CRACD: variants seen among roughly 807,000 people sequenced by gnomAD.
The protein encoded by CRACD is capping protein inhibiting regulator of actin dynamics.
In CRACD, 56 loss-of-function variants were observed where a neutral mutation model predicts 106.8. The observed-to-expected ratio is 0.52, with a 90% CI of 0.42 to 0.66. CRACD has a LOEUF of 0.66. Ranked by LOEUF, CRACD falls within the 30% of genes least tolerant of loss-of-function variation. The probability of loss-of-function intolerance (pLI) is 0.00; values close to 1 mark genes in which losing one functional copy is unlikely to be tolerated. For missense variants in CRACD, 1,730 were observed against 1,623.2 expected (o/e 1.07, Z -1.13); for synonymous variants, 754 against 670.8 (o/e 1.12, Z -1.92).
chr4:56,052,356 A>G (rs1346306340), intron 1 of CRACD, among the ~76,000 whole-genome samples: 1 of 152,188 alleles, frequency 6.6e-6, no homozygotes, highest in Non-Finnish European at 1.5e-5. Context: ...ATGTTGGTTG[A>G]GATCGCTAAA....
chr4:56,298,928 CT>C (rs1744205507), intron 4 of CRACD, among the ~76,000 whole-genome samples: 1 of 151,996 alleles, frequency 6.6e-6, no homozygotes, highest in Non-Finnish European at 1.5e-5. Flanking sequence ...GCAAGGCTCT[CT>C]CCCCAACAAC....
At chr4:56,140,265 C>G (rs1288852659) in intron 1 of CRACD, among the ~76,000 whole-genome samples, 3 of 152,202 alleles carry the variant, frequency 2.0e-5, no homozygotes, top group Non-Finnish European at 2.9e-5. Context: ...ACAGCACCTT[C>G]CTGTTCTCTA....
intron 1 of CRACD, among the ~76,000 whole-genome samples, chr4:56,112,383 A>G (rs1014501281): frequency 3.3e-5 from 5 of 152,196 alleles, no homozygotes; most frequent in Non-Finnish European, 7.4e-5. Flanking sequence ...CTGACCCAGA[A>G]AGGTGGGACA....
intron 1 of CRACD, among the ~76,000 whole-genome samples, chr4:56,109,653 CTG>C (rs1437055456): frequency 2.0e-5 from 3 of 151,872 alleles, no homozygotes; most frequent in South Asian, 4.2e-4. Flanking sequence ...TACATGAACT[CTG>C]TAAAATTTCT....
At chr4:56,312,453 G>A (rs553642136) in intron 6 of CRACD, among the ~76,000 whole-genome samples, 22 of 152,296 alleles carry the variant, frequency 1.4e-4, no homozygotes, top group Admixed American at 3.9e-4. Context: ...GTGAGCCATC[G>A]CACCCAGCCA....
At chr4:56,112,329 G>A (rs1734146461) in intron 1 of CRACD, among the ~76,000 whole-genome samples, 1 of 152,182 alleles carries the variant, frequency 6.6e-6, no homozygotes, top group Admixed American at 6.5e-5. Context: ...ATTTTTAAAG[G>A]TGGGGAGGCA....
At chr4:56,287,001 C>T (rs752166186) in intron 3 of CRACD, among the ~76,000 whole-genome samples, 2 of 152,208 alleles carry the variant, frequency 1.3e-5, no homozygotes, top group African/African-American at 4.8e-5. Context: ...TCCAGGCCTC[C>T]GCTGAGTTTC....
At chr4:56,237,181 G>T (rs1299220764) in intron 2 of CRACD, among the ~76,000 whole-genome samples, 1 of 152,108 alleles carries the variant, frequency 6.6e-6, no homozygotes. Context: ...TTGGAAGAAT[G>T]AGTTAAATTT....
chr4:56,089,591 G>A (rs988702567), intron 1 of CRACD, among the ~76,000 whole-genome samples: 2 of 143,748 alleles, frequency 1.4e-5, no homozygotes, highest in Admixed American at 7.4e-5. Flanking sequence ...TCAGCTCACC[G>A]CAACCTCCGC....
chr4:56,310,846 G>A (rs1297479405), intron 6 of CRACD, 112 bp downstream of exon 6: 37 of 644,044 alleles, frequency 5.7e-5, no homozygotes, highest in Admixed American at 1.2e-4. Context: ...CATAAATGTT[G>A]CCTTCATATA....
chr4:56,168,406 A>G (rs996418479), intron 1 of CRACD, among the ~76,000 whole-genome samples: 6 of 152,080 alleles, frequency 3.9e-5, no homozygotes, highest in African/African-American at 1.2e-4. Flanking sequence ...TGGACATAAT[A>G]TATTATCCTT....
At chr4:56,192,698 C>T (rs1013390698) in intron 2 of CRACD, among the ~76,000 whole-genome samples, 1 of 152,060 alleles carries the variant, frequency 6.6e-6, no homozygotes, top group African/African-American at 2.4e-5. Context: ...AAACCATAAA[C>T]ATTTTCCCAT....
chr4:56,264,923 T>G (rs1435672387), intron 2 of CRACD, among the ~76,000 whole-genome samples: 1 of 152,186 alleles, frequency 6.6e-6, no homozygotes, highest in Non-Finnish European at 1.5e-5. Context: ...TCTTCTTTCC[T>G]CCACGCTTCC....
chr4:56,295,973 T>A (rs556235231), intron 3 of CRACD, among the ~76,000 whole-genome samples: 1 of 152,214 alleles, frequency 6.6e-6, no homozygotes, highest in East Asian at 1.9e-4. Flanking sequence ...TGCCTCATAT[T>A]TCATAAAGGG....
chr4:56,294,913 CAAAAAAAAAAAAAA>C (rs56200534), intron 3 of CRACD, among the ~76,000 whole-genome samples: 2 of 72,166 alleles, frequency 2.8e-5, no homozygotes, highest in African/African-American at 1.2e-4. Flanking sequence ...GACCTTGTCT[CAAAAAAAAAAAAAA>C]AAAAAAAGTA....
chr4:56,186,939 C>G (rs970211893), intron 2 of CRACD, among the ~76,000 whole-genome samples: 2 of 151,932 alleles, frequency 1.3e-5, no homozygotes, highest in African/African-American at 4.8e-5. Flanking sequence ...GATGGCGCAC[C>G]CCTGTGGTCC....
intron 1 of CRACD, among the ~76,000 whole-genome samples, chr4:56,073,022 T>C (rs1222470035): frequency 6.6e-6 from 1 of 152,234 alleles, no homozygotes; most frequent in Non-Finnish European, 1.5e-5. Flanking sequence ...GCATTTGGGT[T>C]GGTTCCAAGT....
chr4:56,141,274 G>A (rs1311484081), intron 1 of CRACD, among the ~76,000 whole-genome samples: 1 of 152,190 alleles, frequency 6.6e-6, no homozygotes, highest in Non-Finnish European at 1.5e-5. Flanking sequence ...AAGATGCAGT[G>A]GGGCAAGCTG....
Position 56,166,173 on chromosome 4 carries a change from T to C in CRACD, c.-335-13111T>C, listed in dbSNP as rs1040105247. Reference sequence around the variant, plus strand: ...ACCCAGCTGGAAATATAAATTAATATAGTTTGGAAGGCAGTTTGCATTCTG... The same window carrying C: ...ACCCAGCTGGAAATATAAATTAATACAGTTTGGAAGGCAGTTTGCATTCTG... On this transcript the variant is annotated intron_variant, in intron 1 of 10. Transcript: ENST00000682029. Among the ~76,000 whole-genome samples the C allele has an allele frequency of 1.2e-4, 18 of 152,306 alleles. 1 individual carries two copies. The highest frequency in any genetic ancestry group is 8.5e-4 in the Admixed American group (13 of 15,296).
Sources: gnomAD v4.1 joint callset for allele counts (sites outside exome capture counted in the v4.1 genomes callset) on GRCh38, gnomAD v4.1.1 for gene constraint, MANE v1.5 for transcripts, NCBI Gene and HGNC (gene_info 2026-07-23, HGNC 2026-07-21) for gene names.